The following LIG4 variants were observed in gnomAD, a reference collection of about 807,000 sequenced individuals.
LIG4 encodes DNA ligase 4.
In LIG4, 13 loss-of-function variants were observed where a neutral mutation model predicts 19.0. The ratio of observed to expected loss-of-function variants is 0.68; its 90% CI spans 0.44 to 1.09. The LOEUF is 1.09. Among genes scored for constraint, LIG4 ranks in the 50% least tolerant of loss-of-function variants. The probability of loss-of-function intolerance (pLI) is 0.00; values close to 1 mark genes in which losing one functional copy is unlikely to be tolerated. For missense variants in LIG4, 1,026 were observed against 1,089.7 expected, an observed-to-expected ratio of 0.94 and a Z score of 0.82; for synonymous variants, 361 against 358.2, an observed-to-expected ratio of 1.01 and a Z score of -0.09.
At position 108,210,551 on chromosome 13, in the gene LIG4, T is replaced by C. The variant is rs747189258; in HGVS notation, c.718A>G (p.Ile240Val). 1.2e-5 allele frequency: 19 copies of C among 1,612,538 alleles called. No individual in the cohort carries two copies. The highest frequency in any genetic ancestry group is 3.3e-4 in the Middle Eastern group (2 of 6,018). The change falls in exon 3 of 3, where the codon ATC becomes GTC. Residue 240 changes from isoleucine (I) to valine (V), a missense_variant. This residue lies in a region of LIG4 where 493 missense variants were observed against 544.5 expected (regional missense o/e 0.91). Transcript: ENST00000442234. ...DPSVGLSDIS[I>V]TLFSAFKPML... ...GGTTTAAATGCAGAAAATAAAGTGATAGAAATATCACTGAGTCCTACAGAA... is the reference window on the plus strand; with the variant it reads ...GGTTTAAATGCAGAAAATAAAGTGACAGAAATATCACTGAGTCCTACAGAA...
chr13:108,217,598 G>A (rs1282429613), upstream of LIG4, among the ~76,000 whole-genome samples: 2 of 151,898 alleles, frequency 1.3e-5, no homozygotes, highest in African/African-American at 2.4e-5. Flanking sequence ...GTCAGAGGCT[G>A]AGGCGAGAGA....
chr13:108,210,625 T>C lies in LIG4; in HGVS notation c.644A>G (p.His215Arg), dbSNP rs1465482484. 4 of 1,613,700 alleles carry C rather than the reference T, an allele frequency of 2.5e-6. No individual in the cohort carries two copies. The highest frequency in any genetic ancestry group is 2.7e-5 in the African/African-American group (2 of 75,050). Residue 215 changes from histidine (H) to arginine (R), a missense_variant, in exon 3 of 3, where the codon CAT (histidine) becomes CGT (arginine). Physicochemically the swap from His to Arg is conservative, Grantham distance 29. Transcript: ENST00000442234. ...SVFHNDAAEL[H>R]NVTTDLEKVC... ...TTTTTCCAGATCTGTAGTGACATTA[T>C]GCAACTCAGCAGCATCATTATGAAA...
rs949672973 is a variant in LIG4, at chr13:108,207,634, A to G, written c.*899T>C. On this transcript the variant is annotated 3_prime_UTR_variant, in exon 3 of 3. Transcript: ENST00000442234. Reference sequence around the variant, plus strand: ...TCCAAAATTTGGTATATAAATCCATACATAATATATACTATATACATTGAC... The same window carrying G: ...TCCAAAATTTGGTATATAAATCCATGCATAATATATACTATATACATTGAC... 1 of 152,170 alleles carries G rather than the reference A, an allele frequency of 6.6e-6. No homozygotes were observed. Among genetic ancestry groups the G allele is most frequent in the Non-Finnish European group, 1.5e-5 (1 of 68,018 alleles). 9.4% of individuals were successfully genotyped at this position (152,170 alleles called of 1,614,324 possible).
chr13:108,211,425 A>G lies in LIG4; in HGVS notation c.-28-129T>C, dbSNP rs77562486. On this transcript the variant is annotated intron_variant, in intron 2 of 2. Coordinates refer to ENST00000442234, the MANE Select transcript of LIG4 (RefSeq NM_206937.2). ...TTAATGTTTACTAAAAAAAAGATCA[A>G]TGCTCTAAATGATGTATCTTTTCAA... is the stretch of plus-strand genomic sequence containing the variant. The G allele has an allele frequency of 1.0e-5, 7 of 667,032 alleles. No individual in the cohort carries two copies. The South Asian group carries it at 1.3e-4, about 12-fold the overall frequency. 41.3% of individuals were successfully genotyped at this position (667,032 alleles called of 1,614,324 possible).
chr13:108,211,055 G>C lies in LIG4; in HGVS notation c.214C>G (p.Leu72Val), dbSNP rs769250009. 1 of 1,602,638 alleles carries C rather than the reference G, an allele frequency of 6.2e-7. No homozygotes were observed. Among genetic ancestry groups the C allele is most frequent in the Non-Finnish European group, 8.5e-7 (1 of 1,174,694 alleles). The change falls in exon 3 of 3, where the codon CTT (leucine) becomes GTT (valine). Residue 72 changes from leucine (L) to valine (V), a missense_variant. This residue lies in a region of LIG4 where 493 missense variants were observed against 544.5 expected (regional missense o/e 0.91). Transcript: ENST00000442234. ...DSFYPAMRLILPQLERERMAY... is the reference protein window; with the variant it reads ...DSFYPAMRLIVPQLERERMAY... ...ATTCTCTCTCTTTCTAGCTGAGGAA[G>C]AATTAGTCTCATTGCTGGATAAAAA...
rs754996739 is a variant in LIG4, at chr13:108,210,832, T to C, written c.437A>G (p.Gln146Arg). The C allele has an allele frequency of 1.4e-5, 22 of 1,613,980 alleles. No homozygotes were observed. The South Asian group carries it at 2.4e-4, about 18-fold the overall frequency. Reference sequence around the variant, plus strand: ...TGAGTCTAAAAGGTCGTTTACTTGCTGTATGGTTAAACTTCCTTTCTGTAA... The same window carrying C: ...TGAGTCTAAAAGGTCGTTTACTTGCCGTATGGTTAAACTTCCTTTCTGTAA... ...RCLQKGSLTI[Q>R]QVNDLLDSIA... Residue 146 changes from glutamine (Q) to arginine (R), a missense_variant, in exon 3 of 3, where the codon CAG (glutamine) becomes CGG (arginine). By Grantham distance (43) the Gln-to-Arg change is conservative (BLOSUM62 1). Coordinates refer to ENST00000442234, the MANE Select transcript of LIG4 (RefSeq NM_206937.2).
At chr13:108,215,879 G>A (rs1380080180), upstream of LIG4, among the ~76,000 whole-genome samples, 4 of 152,222 alleles carry the variant, frequency 2.6e-5, no homozygotes, top group East Asian at 5.8e-4. Context: ...GATTTCGCTG[G>A]TTGTGAAAAC....
At chr13:108,213,113 G>A (rs3093748) in intron 2 of LIG4, among the ~76,000 whole-genome samples, 18,230 of 152,100 alleles carry the variant, frequency 0.12, 1,430 homozygotes, top group Non-Finnish European at 0.17. Flanking sequence ...AGGGATAAAC[G>A]CATGACAGAC....
intron 2 of LIG4, 97 bp downstream of exon 2, chr13:108,214,440 AC>A (rs1879001913): frequency 6.6e-6 from 1 of 151,928 alleles, no homozygotes. Flanking sequence ...TGCCCCCTGT[AC>A]CCTCTCGGAA....
Position 108,210,033 on chromosome 13 carries a change from AT to A in LIG4, c.1235del (p.Asn412MetfsTer3). 6.2e-7 allele frequency: 1 copy of A among 1,612,306 alleles called. No individual in the cohort carries two copies. Among genetic ancestry groups the A allele is most frequent in the Non-Finnish European group, 8.5e-7 (1 of 1,179,970 alleles). ...CTTCATTCAATGCATCAATTACTTCATTCTTAGTATGAGCTTGTGTTTTCTG... is the reference window on the plus strand; with the variant it reads ...CTTCATTCAATGCATCAATTACTTCATCTTAGTATGAGCTTGTGTTTTCTG... ...IVQKTQAHTK[N>X]EVIDALNEAI... On this transcript the variant is annotated frameshift_variant, in exon 3 of 3. Coordinates refer to ENST00000442234, the MANE Select transcript of LIG4 (RefSeq NM_206937.2). LOFTEE classifies it low-confidence loss of function (END_TRUNC).
Position 108,208,610 on chromosome 13 carries a change from T to C in LIG4, c.2659A>G (p.Lys887Glu), listed in dbSNP as rs780983005. The C allele has an allele frequency of 3.1e-6, 5 of 1,613,342 alleles. No homozygotes were observed. The highest frequency in any genetic ancestry group is 1.1e-5 in the South Asian group (1 of 91,018). ...AFRRTFKRKF[K>E]ILKESWVTDS... ...GTTACCCAACTTTCTTTTAGGATTT[T>C]AAACTTTCTCTTAAAAGTTCTTCTA... is the stretch of plus-strand genomic sequence containing the variant. The change falls in exon 3 of 3, where the codon AAA becomes GAA. Residue 887 changes from lysine to glutamate, a missense_variant. Lys to Glu is a moderately conservative substitution (Grantham distance 56). Around this residue, in one of 3 missense-constraint regions of LIG4, gnomAD observed 521 missense variants for 515.5 expected, o/e 1.01. Coordinates refer to ENST00000442234, the MANE Select transcript of LIG4 (RefSeq NM_206937.2).
intron 2 of LIG4, among the ~76,000 whole-genome samples, chr13:108,212,055 G>C (rs1878718631): frequency 6.6e-6 from 1 of 151,764 alleles, no homozygotes; most frequent in Admixed American, 6.6e-5. Context: ...TTAGTATGCT[G>C]CTTTTTTCAT....
chr13:108,214,186 T>A (rs1878964840), intron 2 of LIG4, among the ~76,000 whole-genome samples: 1 of 152,158 alleles, frequency 6.6e-6, no homozygotes, highest in African/African-American at 2.4e-5. Flanking sequence ...AAGGAGTAAG[T>A]GACGAATGCA....
chr13:108,216,208 G>C (rs1879282790), upstream of LIG4, among the ~76,000 whole-genome samples: 1 of 152,188 alleles, frequency 6.6e-6, no homozygotes, highest in South Asian at 2.1e-4. Flanking sequence ...TCAGGGTGGA[G>C]AGATTATAAA....
At position 108,208,458 on chromosome 13, in the gene LIG4, T is replaced by C. The variant is rs767764977; in HGVS notation, c.*75A>G. ...TTTAAGATACAAAAATAAAATGTAGTTTAGTATTTTATCATTACCACCTGC... is the reference window on the plus strand; with the variant it reads ...TTTAAGATACAAAAATAAAATGTAGCTTAGTATTTTATCATTACCACCTGC... On this transcript the variant is annotated 3_prime_UTR_variant, in exon 3 of 3. Coordinates refer to ENST00000442234, the MANE Select transcript of LIG4 (RefSeq NM_206937.2). 1.2e-6 allele frequency: 1 copy of C among 856,882 alleles called. No individual in the cohort carries two copies. The highest frequency in any genetic ancestry group is 1.9e-6 in the Non-Finnish European group (1 of 529,084). The allele number at this position is 856,882 out of a possible 1,614,324, so 53.1% of individuals were successfully genotyped here.
In LIG4 at chr13:108,209,175, G is replaced by C. The variant is rs373938258; in HGVS notation, c.2094C>G (p.Tyr698Ter). ...YIVQNPGPDT[Y>*]CVIAGSENIR... ...TGTTCTCAGACCCTGCAATTACACA[G>C]TACGTGTCTGGGCCTGGATTTTGTA... The change falls in exon 3 of 3, where the codon TAC (tyrosine) becomes TAG (stop). Residue 698 changes from tyrosine to a stop codon, truncating the protein, a stop_gained. Transcript: ENST00000442234. LOFTEE classifies it low-confidence loss of function (END_TRUNC). 1.1e-5 allele frequency: 17 copies of C among 1,614,094 alleles called. No homozygotes were observed. The highest frequency in any genetic ancestry group is 1.4e-5 in the Non-Finnish European group (17 of 1,180,010).
At chr13:108,212,701 G>A (rs1878796225) in intron 2 of LIG4, among the ~76,000 whole-genome samples, 1 of 150,968 alleles carries the variant, frequency 6.6e-6, no homozygotes, top group South Asian at 2.1e-4. Flanking sequence ...ACACACACAT[G>A]CACAAGGCTA....
intron 2 of LIG4, among the ~76,000 whole-genome samples, chr13:108,213,000 A>G (rs1000701102): frequency 3.9e-5 from 6 of 152,140 alleles, no homozygotes; most frequent in African/African-American, 1.4e-4. Context: ...TGCCCTGGCA[A>G]TGGTTTACAA....
rs1215346777 is a variant in LIG4, at chr13:108,207,680, C to A, written c.*853G>T. On this transcript the variant is annotated 3_prime_UTR_variant, in exon 3 of 3. Coordinates refer to ENST00000442234, the MANE Select transcript of LIG4 (RefSeq NM_206937.2). ...TTGACTTTAAATAATCTAACTATGT[C>A]ATTTTTAAAAGTCAAAGCAACTTAT... 3 of 151,212 alleles carry A rather than the reference C, an allele frequency of 2.0e-5. No individual in the cohort carries two copies. The highest frequency in any genetic ancestry group is 4.9e-5 in the African/African-American group (2 of 40,616). The allele number at this position is 151,212 out of a possible 1,614,324, so 9.4% of individuals were successfully genotyped here. A position where few individuals can be genotyped will look rare whatever the true frequency, so the allele number is the denominator to read the frequency against.
Sources: allele counts gnomAD v4.1 joint callset (sites outside exome capture counted in the v4.1 genomes callset), GRCh38; gene constraint gnomAD v4.1.1; regional missense constraint gnomAD v4.1.1; transcripts MANE v1.5; gene names NCBI Gene and HGNC (gene_info 2026-07-23, HGNC 2026-07-21).